Variants in ZNF277 observed in about 807,000 individuals in gnomAD.
The protein encoded by ZNF277 is zinc finger protein 277, also known as nuclear receptor-interacting factor 4.
In ZNF277, 55 loss-of-function variants were observed where a neutral mutation model predicts 60.7. The observed-to-expected ratio is 0.91, with a 90% CI of 0.73 to 1.13. The LOEUF (loss-of-function observed/expected upper bound fraction) is 1.13. Among genes scored for constraint, ZNF277 ranks in the 50% most tolerant of loss-of-function variants. The pLI is 0.00. For missense variants in ZNF277, 510 were observed against 523.0 expected (o/e 0.98, Z 0.24); for synonymous variants, 178 against 179.3 (o/e 0.99, Z 0.06).
intron 1 of ZNF277, among the ~76,000 whole-genome samples, chr7:112,285,997 A>G (rs940062205): frequency 2.0e-5 from 3 of 152,128 alleles, no homozygotes; most frequent in African/African-American, 7.2e-5. Flanking sequence ...CAGTTTCCTG[A>G]TTACTAACTA....
chr7:112,242,551 A>T, intron 1 of ZNF277, among the ~76,000 whole-genome samples: 1 of 114,884 alleles, frequency 8.7e-6, no homozygotes, highest in Non-Finnish European at 1.8e-5. Context: ...CATTTATAAT[A>T]GCTACCAAAA....
At chr7:112,264,452 A>G (rs1000228793) in intron 1 of ZNF277, among the ~76,000 whole-genome samples, 1 of 152,178 alleles carries the variant, frequency 6.6e-6, no homozygotes, top group African/African-American at 2.4e-5. Context: ...ATTTATGGTA[A>G]CAAGAAATGT....
At chr7:112,309,334 C>A (rs766600517) in intron 4 of ZNF277, among the ~76,000 whole-genome samples, 1 of 151,968 alleles carries the variant, frequency 6.6e-6, no homozygotes, top group Non-Finnish European at 1.5e-5. Flanking sequence ...CGAATACTTA[C>A]AAAAACTGTG....
At chr7:112,230,107 T>TA (rs1822283116) in intron 1 of ZNF277, among the ~76,000 whole-genome samples, 1 of 148,984 alleles carries the variant, frequency 6.7e-6, no homozygotes, top group South Asian at 2.1e-4. Context: ...GGGTGAGTAA[T>TA]ATGAATCAGA....
chr7:112,329,987 A>T (rs1479153305), intron 6 of ZNF277, 97 bp from the exon 7 acceptor site: 2 of 1,368,632 alleles, frequency 1.5e-6, no homozygotes, highest in Non-Finnish European at 2.0e-6. Context: ...ATGCTGTGTA[A>T]CCTAAAATGA....
chr7:112,262,770 AT>A (rs2117026698), intron 1 of ZNF277, among the ~76,000 whole-genome samples: 1 of 152,296 alleles, frequency 6.6e-6, no homozygotes, highest in South Asian at 2.1e-4. Context: ...CCAATTAGAA[AT>A]ATGGATACTT....
chr7:112,313,630 A>G (rs1381123165), intron 4 of ZNF277, among the ~76,000 whole-genome samples: 1 of 152,148 alleles, frequency 6.6e-6, no homozygotes, highest in East Asian at 1.9e-4. Flanking sequence ...GTAAGTTTAA[A>G]AGAAAACTTC....
chr7:112,236,262 A>AT (rs1790783172), intron 1 of ZNF277, among the ~76,000 whole-genome samples: 1 of 152,130 alleles, frequency 6.6e-6, no homozygotes, highest in African/African-American at 2.4e-5. Flanking sequence ...AGAAATACAA[A>AT]TAGCACCAGT....
chr7:112,270,023 C>T (rs1791633509), intron 1 of ZNF277, among the ~76,000 whole-genome samples: 1 of 152,042 alleles, frequency 6.6e-6, no homozygotes. Context: ...ACCAATGGAA[C>T]TTTGTAACCA....
Position 112,232,070 on chromosome 7 carries a change from TATATATATATATA to T in ZNF277, c.91+25264_91+25276del, listed in dbSNP as rs1563198671. 2.3e-4 allele frequency among the ~76,000 whole-genome samples: 27 copies of T among 116,684 alleles called. 1 individual carries two copies. The highest frequency in any genetic ancestry group is 8.6e-4 in the African/African-American group (27 of 31,378). 76.5% of individuals were successfully genotyped at this position (116,684 alleles called of 152,430 possible). A position where few individuals can be genotyped will look rare whatever the true frequency, so the allele number is the denominator to read the frequency against. On this transcript the variant is annotated intron_variant, in intron 1 of 11. Transcript: ENST00000361822. ...ATATATATATATATATATATATATA[TATATATATATATA>T]TTCCCTTAACTGAAAGTTATCTCAA...
intron 1 of ZNF277, among the ~76,000 whole-genome samples, chr7:112,285,110 A>G (rs1413300723): frequency 1.3e-5 from 2 of 151,372 alleles, no homozygotes; most frequent in African/African-American, 2.4e-5. Flanking sequence ...GCTCACTGAA[A>G]CCTCCACCAC....
At chr7:112,230,159 G>T (rs1242905767) in intron 1 of ZNF277, among the ~76,000 whole-genome samples, 1 of 152,086 alleles carries the variant, frequency 6.6e-6, no homozygotes, top group African/African-American at 2.4e-5. Context: ...GGGCGCAGTG[G>T]CTCACGCCTG....
chr7:112,313,824 A>G (rs774088363), intron 4 of ZNF277, among the ~76,000 whole-genome samples: 1 of 152,174 alleles, frequency 6.6e-6, no homozygotes, highest in Non-Finnish European at 1.5e-5. Context: ...AGGGATAATC[A>G]AGTGTGTTAT....
intron 1 of ZNF277, among the ~76,000 whole-genome samples, chr7:112,209,924 A>G (rs1409257821): frequency 1.3e-5 from 2 of 152,086 alleles, no homozygotes; most frequent in Non-Finnish European, 2.9e-5. Context: ...ACATGTTCTC[A>G]CTTATAGGTG....
At chr7:112,281,450 A>G (rs1462024553) in intron 1 of ZNF277, among the ~76,000 whole-genome samples, 1 of 152,210 alleles carries the variant, frequency 6.6e-6, no homozygotes, top group Non-Finnish European at 1.5e-5. Context: ...GTATACTTAC[A>G]TGAAGAGTGA....
chr7:112,273,119 A>G (rs972897305), intron 1 of ZNF277, among the ~76,000 whole-genome samples: 1 of 152,178 alleles, frequency 6.6e-6, no homozygotes, highest in Non-Finnish European at 1.5e-5. Flanking sequence ...TGAGCCTAGC[A>G]CAGCACAGAG....
At chr7:112,280,630 T>C (rs1471411372) in intron 1 of ZNF277, among the ~76,000 whole-genome samples, 1 of 149,650 alleles carries the variant, frequency 6.7e-6, no homozygotes, top group East Asian at 2.0e-4. Flanking sequence ...GTATCTATTG[T>C]CTTTTTTTTT....
intron 1 of ZNF277, among the ~76,000 whole-genome samples, chr7:112,259,175 G>T (rs918370647): frequency 6.6e-6 from 1 of 152,064 alleles, no homozygotes; most frequent in Non-Finnish European, 1.5e-5. Context: ...GCCAGCAGAT[G>T]TTCTGATTTT....
intron 1 of ZNF277, among the ~76,000 whole-genome samples, chr7:112,269,396 G>T (rs1044634261): frequency 6.6e-6 from 1 of 151,824 alleles, no homozygotes; most frequent in African/African-American, 2.4e-5. Flanking sequence ...CTGGATTTTG[G>T]GGGGAATAAA....
Sources: gnomAD v4.1 joint callset for allele counts (sites outside exome capture counted in the v4.1 genomes callset) on GRCh38, gnomAD v4.1.1 for gene constraint, MANE v1.5 for transcripts, NCBI Gene and HGNC (gene_info 2026-07-23, HGNC 2026-07-21) for gene names.